The following GALNT13 variants were observed in gnomAD, a reference collection of about 807,000 sequenced individuals.
The protein encoded by GALNT13 is polypeptide N-acetylgalactosaminyltransferase 13.
A neutral mutation model predicts 64.2 loss-of-function variants in GALNT13; 28 were observed. The observed-to-expected ratio is 0.44, with a 90% CI of 0.32 to 0.60. GALNT13 has a LOEUF of 0.60. GALNT13 is among the 20% of genes least tolerant of loss of function. GALNT13 has a pLI of 0.05. For synonymous variants in GALNT13, 214 were observed against 224.6 expected (o/e 0.95, Z 0.42); for missense variants, 577 against 669.8 (o/e 0.86, Z 1.53).
the GALNT13 span, among the ~76,000 whole-genome samples, chr2:153,862,293 GA>G: frequency 6.6e-6 from 1 of 152,018 alleles, no homozygotes; most frequent in Non-Finnish European, 1.5e-5. Flanking sequence ...TAAAGGCCTG[GA>G]AAAAAATCTT....
At chr2:153,660,611 TTA>T in the GALNT13 span, among the ~76,000 whole-genome samples, 2 of 150,084 alleles carry the variant, frequency 1.3e-5, no homozygotes, top group South Asian at 2.1e-4. Context: ...TATATACACA[TTA>T]TATATATATA....
intron 4 of GALNT13, among the ~76,000 whole-genome samples, chr2:154,156,315 T>C (rs1221980522): frequency 3.9e-5 from 6 of 152,106 alleles, no homozygotes; most frequent in Non-Finnish European, 5.9e-5. Context: ...TTCTAAGCTA[T>C]ATTTTATAAG....
chr2:153,525,741 G>A, the GALNT13 span, among the ~76,000 whole-genome samples: 1 of 152,234 alleles, frequency 6.6e-6, no homozygotes, highest in Admixed American at 6.5e-5. Context: ...GCACCAAGTG[G>A]GCCTTTGGGG....
intron 11 of GALNT13, chr2:154,436,626 A>G (rs1700986670): frequency 6.6e-6 from 1 of 152,200 alleles, no homozygotes; most frequent in Non-Finnish European, 1.5e-5. Context: ...GTAATTAAAT[A>G]AGTTTGTAAT....
intron 3 of GALNT13, among the ~76,000 whole-genome samples, chr2:154,109,142 A>C (rs1702790576): frequency 6.6e-6 from 1 of 152,132 alleles, no homozygotes; most frequent in South Asian, 2.1e-4. Flanking sequence ...TGTGCATTTT[A>C]ATAATATTAA....
rs573237437 is a variant in GALNT13 at position 154,258,152 on chromosome 2, T to C, written c.858-869T>C. Among the ~76,000 whole-genome samples, 526 of 152,288 alleles carry C rather than the reference T, an allele frequency of 3.5e-3. 5 individuals are homozygous for C. Among genetic ancestry groups the C allele is most frequent in the Non-Finnish European group, 5.2e-3 (351 of 68,000 alleles). Reference sequence around the variant, plus strand: ...TTTGTGAACAACTACAATCTTCTTTTTAACCTTTAATTTGCACTGCTTTTA... The same window carrying C: ...TTTGTGAACAACTACAATCTTCTTTCTAACCTTTAATTTGCACTGCTTTTA... On this transcript the variant is annotated intron_variant, in intron 7 of 12. Transcript: ENST00000392825.
chr2:153,368,355 G>A, the GALNT13 span, among the ~76,000 whole-genome samples: 4 of 152,104 alleles, frequency 2.6e-5, no homozygotes, highest in Non-Finnish European at 5.9e-5. Context: ...GTAGCCATTT[G>A]CAAGTCAGGA....
the GALNT13 span, among the ~76,000 whole-genome samples, chr2:153,325,273 G>T: frequency 1.3e-5 from 2 of 151,852 alleles, no homozygotes; most frequent in Non-Finnish European, 2.9e-5. Context: ...AGATTTTCTA[G>T]TTTATGTGCA....
chr2:154,256,678 T>C (rs940913906), intron 7 of GALNT13, among the ~76,000 whole-genome samples: 1 of 152,168 alleles, frequency 6.6e-6, no homozygotes, highest in African/African-American at 2.4e-5. Flanking sequence ...CCTTATTAAC[T>C]GTTGGTTATG....
chr2:153,625,742 T>C, the GALNT13 span, among the ~76,000 whole-genome samples: 3 of 152,088 alleles, frequency 2.0e-5, no homozygotes, highest in African/African-American at 7.2e-5. Flanking sequence ...CTTTTTTTTT[T>C]CCTGTTCTCT....
chr2:154,161,751 A>G (rs1201108470), intron 4 of GALNT13, among the ~76,000 whole-genome samples: 1 of 151,996 alleles, frequency 6.6e-6, no homozygotes, highest in Non-Finnish European at 1.5e-5. Flanking sequence ...ATAGGAAAAG[A>G]CAAGGCTGAG....
the GALNT13 span, among the ~76,000 whole-genome samples, chr2:153,829,430 G>A: frequency 1.3e-5 from 2 of 151,792 alleles, no homozygotes; most frequent in African/African-American, 2.4e-5. Flanking sequence ...CAGGCAAAGA[G>A]AGAGAGAGCT....
chr2:153,533,339 C>A, the GALNT13 span, among the ~76,000 whole-genome samples: 8 of 152,068 alleles, frequency 5.3e-5, no homozygotes, highest in East Asian at 7.7e-4. Context: ...GTAACCTCTG[C>A]CCCCCAGGTT....
At position 154,448,340 on chromosome 2, in the gene GALNT13, A is replaced by C. The variant is rs572725953; in HGVS notation, c.1531-2071A>C. ...CCTTTCAAGGTTGCCAGGGGATTAC[A>C]GTTAGATAGTTGACTGAAGGTCAAA... On this transcript the variant is annotated intron_variant, in intron 12 of 12. Coordinates refer to ENST00000392825, the MANE Select transcript of GALNT13 (RefSeq NM_052917.4). Among the ~76,000 whole-genome samples the C allele has an allele frequency of 1.6e-4, 25 of 152,156 alleles. 1 individual carries two copies. The highest frequency in any genetic ancestry group is 5.3e-4 in the African/African-American group (22 of 41,552).
chr2:153,392,543 C>A, the GALNT13 span, among the ~76,000 whole-genome samples: 4 of 151,952 alleles, frequency 2.6e-5, no homozygotes, highest in Non-Finnish European at 5.9e-5. Flanking sequence ...GATAGATCTA[C>A]GAAGGTAAGC....
At chr2:154,441,232 C>T (rs1701278958) in intron 12 of GALNT13, among the ~76,000 whole-genome samples, 1 of 152,030 alleles carries the variant, frequency 6.6e-6, no homozygotes, top group Non-Finnish European at 1.5e-5. Context: ...TGGAAAATGG[C>T]AAGGCCTCCA....
At chr2:153,109,002 A>G in the GALNT13 span, among the ~76,000 whole-genome samples, 1 of 152,176 alleles carries the variant, frequency 6.6e-6, no homozygotes, top group Non-Finnish European at 1.5e-5. Context: ...ATTGTTTTGA[A>G]GATTCTGATA....
chr2:154,110,374 GAGAC>G (rs1276316396), intron 3 of GALNT13, among the ~76,000 whole-genome samples: 984 of 95,436 alleles, frequency 0.01, 26 homozygotes, highest in East Asian at 0.074. Flanking sequence ...GAGAGAGAGA[GAGAC>G]AGAGAGAGAG....
At chr2:154,313,467 A>G (rs1490941663) in intron 9 of GALNT13, among the ~76,000 whole-genome samples, 3 of 150,998 alleles carry the variant, frequency 2.0e-5, no homozygotes, top group Non-Finnish European at 4.4e-5. Flanking sequence ...ATATAAATAC[A>G]TATATTTAGA....
Sources: gnomAD v4.1 joint callset for allele counts (sites outside exome capture counted in the v4.1 genomes callset) on GRCh38, gnomAD v4.1.1 for gene constraint, MANE v1.5 for transcripts, NCBI Gene and HGNC (gene_info 2026-07-23, HGNC 2026-07-21) for gene names.